Variants in DMAC2 observed in about 807,000 individuals in gnomAD.
The protein encoded by DMAC2 is distal membrane-arm assembly complex protein 2.
A neutral mutation model predicts 29.6 loss-of-function variants in DMAC2; 32 were observed. The ratio of observed to expected loss-of-function variants is 1.08; its 90% CI spans 0.81 to 1.45. The LOEUF (loss-of-function observed/expected upper bound fraction) is 1.45, where lower values mean the gene tolerates loss of function less well. Among genes scored for constraint, DMAC2 ranks in the 40% most tolerant of loss-of-function variants. The pLI, the probability that DMAC2 is intolerant of heterozygous loss-of-function variation, is 0.00. For synonymous variants in DMAC2, 133 were observed against 137.4 expected (o/e 0.97, Z 0.23); for missense variants, 319 against 340.0 (o/e 0.94, Z 0.49).
chr19:41,432,905 T>C (rs1293513091), intron 5 of DMAC2: 6 of 525,194 alleles, frequency 1.1e-5, no homozygotes, highest in African/African-American at 9.7e-5. Context: ...CGTGCATGTG[T>C]GTGTGTATAG....
Position 41,432,129 on chromosome 19 carries a change from C to CTG in DMAC2, c.*100_*101dup. 1 of 1,359,254 alleles carries CTG rather than the reference C, an allele frequency of 7.4e-7. No homozygotes were observed. Among genetic ancestry groups the CTG allele is most frequent in the Non-Finnish European group, 1.0e-6 (1 of 981,198 alleles). 84.2% of individuals were successfully genotyped at this position (1,359,254 alleles called of 1,614,324 possible). A position where few individuals can be genotyped will look rare whatever the true frequency, so the allele number is the denominator to read the frequency against. ...GATTGGCCAGCACCACTCCCCCACC[C>CTG]TGACGTTGAGTGAAGACAAATGGAA... On this transcript the variant is annotated 3_prime_UTR_variant, in exon 6 of 6. Transcript: ENST00000221943.
intron 3 of DMAC2, 151 bp downstream of exon 3, chr19:41,436,241 A>G (rs2039859737): frequency 2.9e-6 from 2 of 691,454 alleles, no homozygotes; most frequent in Admixed American, 2.4e-5. Context: ...TACACGTGAC[A>G]AAACTGAAGC....
intron 1 of DMAC2, chr19:41,438,946 ATTTTT>A (rs11347788): frequency 1.0e-4 from 13 of 127,528 alleles, no homozygotes; most frequent in South Asian, 7.4e-4. Context: ...TATTTTTGTG[ATTTTT>A]TTTTTTTTTT....
At chr19:41,437,766 G>A (rs1365462016) in intron 2 of DMAC2, among the ~76,000 whole-genome samples, 1 of 152,148 alleles carries the variant, frequency 6.6e-6, no homozygotes, top group African/African-American at 2.4e-5. Context: ...AACTATAAGG[G>A]ATCAGGCTAC....
At position 41,434,397 on chromosome 19, in the gene DMAC2, C is replaced by CAAA. The variant is rs1160927067; in HGVS notation, c.297-727_297-725dup. ...TGCTCCAGCCTGGGAGACCCTATCT[C>CAAA]AAAAAAAAAAAAAAAAAAAAAGGAA... On this transcript the variant is annotated intron_variant, in intron 3 of 5. Transcript: ENST00000221943. Among the ~76,000 whole-genome samples, 226 of 63,150 alleles carry CAAA rather than the reference C, an allele frequency of 3.6e-3. 4 individuals carry two copies. Among genetic ancestry groups the CAAA allele is most frequent in the African/African-American group, 0.013 (198 of 15,148 alleles). 41.4% of individuals were successfully genotyped at this position (63,150 alleles called of 152,430 possible).
chr19:41,432,883 CGTGCGTGCATGCGTGCATGTGT>C (rs2039644457), intron 5 of DMAC2: 1 of 405,092 alleles, frequency 2.5e-6, no homozygotes, highest in African/African-American at 2.2e-5. Flanking sequence ...TGTGTGTGTG[CGTGCGTGCATGCGTGCATGTGT>C]GTGTGTATAG....
At position 41,436,227 on chromosome 19, in the gene DMAC2, A is replaced by G. The variant is rs550527011; in HGVS notation, c.296+165T>C. Among the ~76,000 whole-genome samples, 14 of 152,176 alleles carry G rather than the reference A, an allele frequency of 9.2e-5. No homozygotes were observed. In the East Asian group the frequency reaches 2.5e-3, roughly 27 times the overall value. On this transcript the variant is annotated intron_variant, in intron 3 of 5. Coordinates refer to ENST00000221943, the MANE Select transcript of DMAC2 (RefSeq NM_018035.3). ...GTGGGTTAGAAATGACCACCATCCCATTTTACACGTGACAAAACTGAAGCT... is the reference window on the plus strand; with the variant it reads ...GTGGGTTAGAAATGACCACCATCCCGTTTTACACGTGACAAAACTGAAGCT...
rs377094350 is a variant in DMAC2, at chr19:41,431,475, T to A, written c.*756A>T. ...CAGAGAGGTGCCTCAGTGGAGGCGC[T>A]GTGTCTCCTACGCAACTTCTGAGGG... On this transcript the variant is annotated 3_prime_UTR_variant, in exon 6 of 6. Coordinates refer to ENST00000221943, the MANE Select transcript of DMAC2 (RefSeq NM_018035.3). 2.7e-6 allele frequency: 1 copy of A among 371,486 alleles called. No homozygotes were observed. The allele number at this position is 371,486 out of a possible 1,614,324, so 23.0% of individuals were successfully genotyped here. A position where few individuals can be genotyped will look rare whatever the true frequency, so the allele number is the denominator to read the frequency against.
chr19:41,432,438 AGT>A, intron 5 of DMAC2, 30 bp from the exon 6 acceptor site: 1 of 1,608,426 alleles, frequency 6.2e-7, no homozygotes, highest in Non-Finnish European at 8.5e-7. Context: ...ACAGGAAGCC[AGT>A]GTAAGGACAG....
In DMAC2 at chr19:41,439,575, TTG is replaced by T. The variant is rs150550664; in HGVS notation, c.18+305_18+306del. ...CCACCCTTGCCTGTCCATTAGCTCC[TTG>T]TGTCATCCCTCCCTCTGATTGGTTA... On this transcript the variant is annotated intron_variant, in intron 1 of 5. Coordinates refer to ENST00000221943, the MANE Select transcript of DMAC2 (RefSeq NM_018035.3). 5.0e-4 allele frequency: 768 copies of T among 1,528,288 alleles called. 3 individuals are homozygous for T. The African/African-American group carries it at 8.1e-3, about 16-fold the overall frequency. The allele number at this position is 1,528,288 out of a possible 1,614,324, so 94.7% of individuals were successfully genotyped here.
In DMAC2 at chr19:41,439,869, T is replaced by G. The variant is rs1555772552; in HGVS notation, c.18+13A>C. 9 of 1,614,038 alleles carry G rather than the reference T, an allele frequency of 5.6e-6. No homozygotes were observed. The South Asian group carries it at 8.8e-5, about 16-fold the overall frequency. ...ACTTCAAATTTGGGGCTCTAGGAAC[T>G]CCGGTCACTTACCGCCCAGGGAGCC... On this transcript the variant is annotated intron_variant, in intron 1 of 5. Coordinates refer to ENST00000221943, the MANE Select transcript of DMAC2 (RefSeq NM_018035.3).
At chr19:41,436,892 G>A (rs529400184) in intron 2 of DMAC2, among the ~76,000 whole-genome samples, 16 of 152,278 alleles carry the variant, frequency 1.1e-4, no homozygotes, top group Non-Finnish European at 2.1e-4. Context: ...TTTGAGTGGT[G>A]AGAAGGAACA....
At chr19:41,436,617 C>T (rs2039878886) in intron 2 of DMAC2, 145 bp from the exon 3 acceptor site, 3 of 695,188 alleles carry the variant, frequency 4.3e-6, no homozygotes, top group Non-Finnish European at 4.9e-6. Context: ...TGCCCACCTC[C>T]TAAGTGCTGG....
chr19:41,434,238 AAAAAAAC>A (rs2039736727), intron 3 of DMAC2, among the ~76,000 whole-genome samples: 1 of 151,172 alleles, frequency 6.6e-6, no homozygotes, highest in African/African-American at 2.4e-5. Flanking sequence ...CCATCTCAAA[AAAAAAAC>A]AAAAAAACAA....
rs533300214 is a variant in DMAC2 at position 41,432,107 on chromosome 19, T to G, written c.*124A>C. ...GGGAACTCACGCTCTCTCCTGTGATTGGCCAGCACCACTCCCCCACCCTGA... is the reference window on the plus strand; with the variant it reads ...GGGAACTCACGCTCTCTCCTGTGATGGGCCAGCACCACTCCCCCACCCTGA... On this transcript the variant is annotated 3_prime_UTR_variant, in exon 6 of 6. Coordinates refer to ENST00000221943, the MANE Select transcript of DMAC2 (RefSeq NM_018035.3). 1.1e-4 allele frequency: 122 copies of G among 1,113,266 alleles called. 1 individual carries two copies. The African/African-American group carries it at 1.1e-3, about 10-fold the overall frequency. The allele number at this position is 1,113,266 out of a possible 1,614,324, so 69.0% of individuals were successfully genotyped here.
In DMAC2 at chr19:41,433,203, C is replaced by T. The variant is rs2039666243; in HGVS notation, c.596+69G>A. The T allele has an allele frequency of 3.4e-6, 5 of 1,489,850 alleles. No homozygotes were observed. In the East Asian group the frequency reaches 1.2e-4, roughly 36 times the overall value. 92.3% of individuals were successfully genotyped at this position (1,489,850 alleles called of 1,614,324 possible). A position where few individuals can be genotyped will look rare whatever the true frequency, so the allele number is the denominator to read the frequency against. Reference sequence around the variant, plus strand: ...TGCCTAACATTGCCCCTCCCCACTTCCTCTCCTGCATCTGGGTTAGGTGGG... The same window carrying T: ...TGCCTAACATTGCCCCTCCCCACTTTCTCTCCTGCATCTGGGTTAGGTGGG... On this transcript the variant is annotated intron_variant, in intron 5 of 5. Transcript: ENST00000221943.
intron 3 of DMAC2, 51 bp downstream of exon 3, chr19:41,436,341 G>T (rs782668144): frequency 1.3e-6 from 2 of 1,517,078 alleles, no homozygotes; most frequent in Non-Finnish European, 1.8e-6. Context: ...GGATGTTAGA[G>T]AGATACCCCA....
chr19:41,434,866 C>T (rs979712216), intron 3 of DMAC2, among the ~76,000 whole-genome samples: 1 of 151,834 alleles, frequency 6.6e-6, no homozygotes, highest in Non-Finnish European at 1.5e-5. Context: ...ATTAGCCGGG[C>T]GTGGTAGTGT....
At position 41,436,435 on chromosome 19, in the gene DMAC2, C is replaced by T. The variant is rs782625556; in HGVS notation, c.253G>A (p.Gly85Ser). The T allele has an allele frequency of 1.5e-5, 25 of 1,614,148 alleles. No individual in the cohort carries two copies. Among genetic ancestry groups the T allele is most frequent in the African/African-American group, 6.7e-5 (5 of 75,050 alleles). The change falls in exon 3 of 6, where the codon GGC becomes AGC. Residue 85 changes from glycine (G) to serine (S), a missense_variant. Transcript: ENST00000221943. ...TTCAGGATGAAAAAGGCACCTGCGC[C>T]GTATGGACCATGTTGCTTCTCCAGC... Reference protein sequence around the residue: ...TWLEKQHGPYGAGAFFILKQG... With the variant: ...TWLEKQHGPYSAGAFFILKQG...
Sources: allele counts gnomAD v4.1 joint callset (sites outside exome capture counted in the v4.1 genomes callset), GRCh38; gene constraint gnomAD v4.1.1; transcripts MANE v1.5; gene names NCBI Gene and HGNC (gene_info 2026-07-23, HGNC 2026-07-21).